GLIPR1L2: variants seen among roughly 807,000 people sequenced by gnomAD.
GLIPR1L2 encodes the protein GLIPR1 like 2, also known as GLIPR1-like protein 2.
A neutral mutation model predicts 28.4 loss-of-function variants in GLIPR1L2; 21 were observed. The ratio of observed to expected loss-of-function variants is 0.74; its 90% CI spans 0.52 to 1.06. The LOEUF (loss-of-function observed/expected upper bound fraction) is 1.06. GLIPR1L2 is among the 50% of genes least tolerant of loss of function. GLIPR1L2 has a pLI of 0.00. For missense variants in GLIPR1L2, 476 were observed against 416.9 expected, an observed-to-expected ratio of 1.14 and a Z score of -1.23; for synonymous variants, 145 against 139.3, an observed-to-expected ratio of 1.04 and a Z score of -0.29.
chr12:75,403,388 T>C (rs2045763296), intron 1 of GLIPR1L2, among the ~76,000 whole-genome samples: 1 of 152,138 alleles, frequency 6.6e-6, no homozygotes, highest in South Asian at 2.1e-4. Flanking sequence ...TGTGGGGAGA[T>C]TCACTTCCTG....
chr12:75,402,473 GTT>G (rs2045752704), intron 1 of GLIPR1L2, among the ~76,000 whole-genome samples: 2 of 152,194 alleles, frequency 1.3e-5, no homozygotes, highest in African/African-American at 2.4e-5. Context: ...ATGTAGGCCT[GTT>G]TTATTTATCA....
chr12:75,395,543 A>G (rs2045673320), intron 1 of GLIPR1L2, among the ~76,000 whole-genome samples: 1 of 151,690 alleles, frequency 6.6e-6, no homozygotes, highest in Non-Finnish European at 1.5e-5. Context: ...ATATGTCTTG[A>G]ACTCCTATTA....
In GLIPR1L2 at chr12:75,430,715, GTAA is replaced by G; in HGVS notation, c.673_675del (p.Asn225del). 6.5e-7 allele frequency: 1 copy of G among 1,533,582 alleles called. No homozygotes were observed. 95.0% of individuals were successfully genotyped at this position (1,533,582 alleles called of 1,614,324 possible). A position where few individuals can be genotyped will look rare whatever the true frequency, so the allele number is the denominator to read the frequency against. On this transcript the variant is annotated inframe_deletion and splice_region_variant, in exon 5 of 6. Transcript: ENST00000550916. ...TTGTGGACTTTCTTTTTCTTTCTAG[GTAA>G]TGCAGATCGTGACCAAGCCACATGT...
chr12:75,407,487 T>G (rs1469687801), intron 1 of GLIPR1L2, among the ~76,000 whole-genome samples: 1 of 151,916 alleles, frequency 6.6e-6, no homozygotes, highest in Non-Finnish European at 1.5e-5. Flanking sequence ...GGGGAGAAAA[T>G]TAAGAAATAA....
intron 1 of GLIPR1L2, among the ~76,000 whole-genome samples, chr12:75,407,713 A>G (rs2045818642): frequency 6.6e-6 from 1 of 152,106 alleles, no homozygotes; most frequent in African/African-American, 2.4e-5. Flanking sequence ...ATGCAAATTC[A>G]TTGTGTCTGA....
chr12:75,399,563 G>A (rs2045717228), intron 1 of GLIPR1L2, among the ~76,000 whole-genome samples: 1 of 152,074 alleles, frequency 6.6e-6, no homozygotes, highest in South Asian at 2.1e-4. Flanking sequence ...GGATCTGTTA[G>A]TATCCTTTAA....
intron 4 of GLIPR1L2, among the ~76,000 whole-genome samples, chr12:75,430,140 A>G (rs2046077101): frequency 6.6e-6 from 1 of 151,952 alleles, no homozygotes; most frequent in African/African-American, 2.4e-5. Flanking sequence ...CAGTATGAAA[A>G]TGGACTGATA....
chr12:75,399,964 C>A (rs55783970), intron 1 of GLIPR1L2, among the ~76,000 whole-genome samples: 1 of 151,988 alleles, frequency 6.6e-6, no homozygotes, highest in African/African-American at 2.4e-5. Context: ...TATCCCTAAA[C>A]GGTTATTCAC....
In GLIPR1L2 at chr12:75,423,010, A is replaced by G. The variant is rs2045993931; in HGVS notation, c.670+21A>G. On this transcript the variant is annotated intron_variant, in intron 4 of 5. Transcript: ENST00000550916. ...ATGCAGTAAGATAAAGAAAATAAAC[A>G]TGAAAAAAATGCATAATGGATTGGA... The G allele has an allele frequency of 3.1e-6, 5 of 1,608,348 alleles. No homozygotes were observed. The highest frequency in any genetic ancestry group is 1.6e-4 in the Middle Eastern group (1 of 6,074).
intron 1 of GLIPR1L2, 23 bp downstream of exon 1, chr12:75,391,373 C>G (rs541070838): frequency 2.5e-6 from 4 of 1,608,924 alleles, no homozygotes; most frequent in Non-Finnish European, 3.4e-6. Context: ...GGCGGTTTGC[C>G]GACCCTTCCA....
chr12:75,423,567 A>G (rs1176484372), intron 4 of GLIPR1L2: 1 of 638,976 alleles, frequency 1.6e-6, no homozygotes, highest in Non-Finnish European at 1.9e-6. Flanking sequence ...ATAGCATATT[A>G]TGTTGTTTTT....
Position 75,391,196 on chromosome 12 carries a change from G to C in GLIPR1L2, c.80G>C (p.Arg27Pro). Residue 27 changes from arginine (R) to proline (P), a missense_variant, in exon 1 of 6, where the codon CGG (arginine) becomes CCG (proline). Coordinates refer to ENST00000550916, the MANE Select transcript of GLIPR1L2 (RefSeq NM_001270396.2). ...PLAVGGVLKL[R>P]LCELWLLLLG... is the part of the protein sequence containing the mutation. The stretch of plus-strand genomic sequence containing the variant: ...GCAGTAGGGGGCGTTTTGAAGCTGC[G>C]GCTCTGTGAGCTGTGGCTACTGCTA... 6.2e-7 allele frequency: 1 copy of C among 1,614,198 alleles called. No homozygotes were observed. The highest frequency in any genetic ancestry group is 8.5e-7 in the Non-Finnish European group (1 of 1,180,028).
chr12:75,404,430 A>G (rs2045774966), intron 1 of GLIPR1L2, among the ~76,000 whole-genome samples: 3 of 152,146 alleles, frequency 2.0e-5, no homozygotes, highest in Non-Finnish European at 2.9e-5. Flanking sequence ...TTTGCCAAAT[A>G]AGACTGGTTT....
At chr12:75,405,046 A>G (rs1280339132) in intron 1 of GLIPR1L2, among the ~76,000 whole-genome samples, 1 of 152,236 alleles carries the variant, frequency 6.6e-6, no homozygotes. Context: ...CTAGTCTACT[A>G]TAGAATGCTG....
In GLIPR1L2 at chr12:75,431,376, T is replaced by C. The variant is rs1446843067; in HGVS notation, c.*215T>C. 1 of 439,852 alleles carries C rather than the reference T, an allele frequency of 2.3e-6. No homozygotes were observed. Among genetic ancestry groups the C allele is most frequent in the African/African-American group, 2.0e-5 (1 of 49,572 alleles). 27.2% of individuals were successfully genotyped at this position (439,852 alleles called of 1,614,324 possible). On this transcript the variant is annotated 3_prime_UTR_variant, in exon 6 of 6. Transcript: ENST00000550916. Reference sequence around the variant, plus strand: ...GAAACAAAAAACATGTAAGGTGGGCTCTTTGACACTAAGAACAGATAAAGA... The same window carrying C: ...GAAACAAAAAACATGTAAGGTGGGCCCTTTGACACTAAGAACAGATAAAGA...
rs776725454 is a variant in GLIPR1L2, at chr12:75,422,924, C to T, written c.605C>T (p.Pro202Leu). The T allele has an allele frequency of 5.6e-6, 9 of 1,610,354 alleles. No individual in the cohort carries two copies. The East Asian group carries it at 2.0e-4, about 36-fold the overall frequency. Residue 202 changes from proline (P) to leucine (L), a missense_variant, in exon 4 of 6, where the codon CCT becomes CTT. By Grantham distance (98) the Pro-to-Leu change is moderately conservative (BLOSUM62 -3). Transcript: ENST00000550916. ...TGTAGAGGAACACTGACGAGAAGAC[C>T]TTATGAACCAGGAATATTTTGTACT... ...YAPGGTLTRR[P>L]YEPGIFCTRC... is the part of the protein sequence containing the mutation.
At chr12:75,402,951 A>G in intron 1 of GLIPR1L2, 1 of 455,812 alleles carries the variant, frequency 2.2e-6, no homozygotes, top group South Asian at 1.6e-5. Flanking sequence ...GCCACCTACC[A>G]CAATAGCCCT....
intron 1 of GLIPR1L2, chr12:75,391,693 G>T (rs901867994): frequency 1.6e-5 from 7 of 446,296 alleles, no homozygotes; most frequent in Non-Finnish European, 2.7e-5. Context: ...CAAGGGTAAA[G>T]AAAATGTTAA....
At chr12:75,411,482 T>C (rs1191546287) in intron 2 of GLIPR1L2, among the ~76,000 whole-genome samples, 1 of 151,864 alleles carries the variant, frequency 6.6e-6, no homozygotes, top group Non-Finnish European at 1.5e-5. Context: ...CAAAAATTTT[T>C]TCATCAGTTT....
Sources: gnomAD v4.1 joint callset for allele counts (sites outside exome capture counted in the v4.1 genomes callset) on GRCh38, gnomAD v4.1.1 for gene constraint, MANE v1.5 for transcripts, NCBI Gene and HGNC (gene_info 2026-07-23, HGNC 2026-07-21) for gene names.